SELE: variants seen among roughly 807,000 people sequenced by gnomAD.
The protein encoded by SELE is E-selectin.
Under a neutral mutation model 75.8 loss-of-function variants are expected in SELE, and 52 were observed. The ratio of observed to expected loss-of-function variants is 0.69; its 90% CI spans 0.55 to 0.86. The LOEUF (loss-of-function observed/expected upper bound fraction) is 0.86. Ranked by LOEUF, SELE falls within the 40% of genes least tolerant of loss-of-function variation. The pLI, the probability that SELE is intolerant of heterozygous loss-of-function variation, is 0.00. For synonymous variants in SELE, 285 were observed against 258.7 expected (o/e 1.10, Z -0.98); for missense variants, 754 against 732.7 (o/e 1.03, Z -0.34).
rs879834677 is a variant in SELE, at chr1:169,732,305, A to G, written c.421+310T>C. Among the ~76,000 whole-genome samples, 3 of 149,858 alleles carry G rather than the reference A, an allele frequency of 2.0e-5. No individual in the cohort carries two copies. The Admixed American group carries it at 2.0e-4, about 10-fold the overall frequency. The stretch of plus-strand genomic sequence containing the variant: ...ATTTATATATATTTTATATATATAC[A>G]TACACACATATATGTGTGTATATGT... On this transcript the variant is annotated intron_variant, in intron 3 of 13. Coordinates refer to ENST00000333360, the MANE Select transcript of SELE (RefSeq NM_000450.2).
At chr1:169,729,699 A>G (rs928416758) in intron 5 of SELE, 26 bp from the exon 6 acceptor site, 5 of 1,608,366 alleles carry the variant, frequency 3.1e-6, no homozygotes, top group Non-Finnish European at 4.3e-6. Context: ...AGCACCATGA[A>G]TTTTACAGAA....
At chr1:169,725,439 A>G (rs1291210533) in intron 13 of SELE, among the ~76,000 whole-genome samples, 1 of 152,082 alleles carries the variant, frequency 6.6e-6, no homozygotes. Flanking sequence ...ACCAGCCCCT[A>G]TCTCAGAGTT....
chr1:169,732,641 T>C lies in SELE; in HGVS notation c.395A>G (p.Lys132Arg). Residue 132 changes from lysine (K) to arginine (R), a missense_variant, in exon 3 of 14, where the codon AAG becomes AGG. Lys to Arg is a conservative substitution (Grantham distance 26). Transcript: ENST00000333360. ...TGTGTAGCATAGGGCAAGCTTCTTCTTGCTGCACCTCTCATCATTCCACAT... is the reference window on the plus strand; with the variant it reads ...TGTGTAGCATAGGGCAAGCTTCTTCCTGCTGCACCTCTCATCATTCCACAT... ...VGMWNDERCSKKKLALCYTAA... is the reference protein window; with the variant it reads ...VGMWNDERCSRKKLALCYTAA... The C allele has an allele frequency of 6.2e-7, 1 of 1,606,960 alleles. No homozygotes were observed.
At chr1:169,727,030 G>A (rs1648790122) in intron 10 of SELE, among the ~76,000 whole-genome samples, 1 of 152,124 alleles carries the variant, frequency 6.6e-6, no homozygotes, top group African/African-American at 2.4e-5. Context: ...AACTTGCCAA[G>A]CTCGTTCACA....
intron 5 of SELE, among the ~76,000 whole-genome samples, chr1:169,730,045 T>G (rs537257702): frequency 2.1e-4 from 32 of 152,252 alleles, no homozygotes; most frequent in Admixed American, 6.5e-4. Context: ...GGCCTCTGGT[T>G]CAGAAAGATA....
chr1:169,732,562 C>T (rs1648939435), intron 3 of SELE, 53 bp downstream of exon 3: 3 of 1,510,118 alleles, frequency 2.0e-6, no homozygotes, highest in Admixed American at 2.3e-5. Context: ...TGTAAATTTG[C>T]CAAGATGCCC....
intron 12 of SELE, 46 bp from the exon 13 acceptor site, chr1:169,725,847 T>C: frequency 3.1e-6 from 5 of 1,613,628 alleles, no homozygotes; most frequent in Non-Finnish European, 3.4e-6. Context: ...TCTTCCAACA[T>C]GAAGAGAGAA....
At position 169,727,813 on chromosome 1, in the gene SELE, A is replaced by T; in HGVS notation, c.1394T>A (p.Phe465Tyr). Residue 465 changes from phenylalanine to tyrosine, a missense_variant, in exon 9 of 14, where the codon TTT becomes TAT. Transcript: ENST00000333360. Reference sequence around the variant, plus strand: ...AAGTTGAGTTGATCCATGTAATTCAAATCCCTCCTCACAGCTGAAGGCACA... The same window carrying T: ...AAGTTGAGTTGATCCATGTAATTCATATCCCTCCTCACAGCTGAAGGCACA... ...SSCAFSCEEG[F>Y]ELHGSTQLEC... 2 of 1,614,174 alleles carry T rather than the reference A, an allele frequency of 1.2e-6. No individual in the cohort carries two copies. The highest frequency in any genetic ancestry group is 1.7e-6 in the Non-Finnish European group (2 of 1,180,016).
Position 169,723,062 on chromosome 1 carries a change from G to C in SELE, c.*1463C>G, listed in dbSNP as rs1009503555. ...ACATGCTAAGTTAATGGAAGTGTAG[G>C]AGAGTTTTGATTCTCACACTCCTCA... On this transcript the variant is annotated 3_prime_UTR_variant, in exon 14 of 14. Transcript: ENST00000333360. The C allele has an allele frequency of 6.6e-6, 1 of 152,142 alleles. No individual in the cohort carries two copies. Among genetic ancestry groups the C allele is most frequent in the African/African-American group, 2.4e-5 (1 of 41,418 alleles). 9.4% of individuals were successfully genotyped at this position (152,142 alleles called of 1,614,324 possible). A position where few individuals can be genotyped will look rare whatever the true frequency, so the allele number is the denominator to read the frequency against.
At chr1:169,728,882 T>C (rs1266368368) in intron 7 of SELE, among the ~76,000 whole-genome samples, 1 of 152,214 alleles carries the variant, frequency 6.6e-6, no homozygotes, top group Non-Finnish European at 1.5e-5. Flanking sequence ...TTCTCATTAT[T>C]CTGCTTTCCG....
At chr1:169,725,530 G>C (rs1648718375) in intron 13 of SELE, among the ~76,000 whole-genome samples, 199 bp downstream of exon 13, 1 of 152,080 alleles carries the variant, frequency 6.6e-6, no homozygotes, top group Admixed American at 6.6e-5. Flanking sequence ...TATCATAAAT[G>C]AAATTACACA....
rs920387455 is a variant in SELE, at chr1:169,729,813, A to G, written c.716-140T>C. The G allele has an allele frequency of 3.7e-5, 25 of 681,692 alleles. No homozygotes were observed. The Admixed American group carries it at 7.1e-4, about 19-fold the overall frequency. 42.2% of individuals were successfully genotyped at this position (681,692 alleles called of 1,614,324 possible). On this transcript the variant is annotated intron_variant, in intron 5 of 13. Coordinates refer to ENST00000333360, the MANE Select transcript of SELE (RefSeq NM_000450.2). ...CCTATGTCAATTCTTAGGGACATGC[A>G]CAGCCAGAATAAAAGCTTTTATTCT...
At position 169,724,056 on chromosome 1, in the gene SELE, C is replaced by T. The variant is rs959621675; in HGVS notation, c.*469G>A. On this transcript the variant is annotated 3_prime_UTR_variant, in exon 14 of 14. Coordinates refer to ENST00000333360, the MANE Select transcript of SELE (RefSeq NM_000450.2). Reference sequence around the variant, plus strand: ...TTTTTTAAGTTATAATATTTTTAGTCATTTTTTTCCTCTAAACTCTGGATA... The same window carrying T: ...TTTTTTAAGTTATAATATTTTTAGTTATTTTTTTCCTCTAAACTCTGGATA... 2.0e-5 allele frequency: 3 copies of T among 152,138 alleles called. No individual in the cohort carries two copies. Among genetic ancestry groups the T allele is most frequent in the Non-Finnish European group, 2.9e-5 (2 of 68,018 alleles). The allele number at this position is 152,138 out of a possible 1,614,324, so 9.4% of individuals were successfully genotyped here. A position where few individuals can be genotyped will look rare whatever the true frequency, so the allele number is the denominator to read the frequency against.
intron 5 of SELE, 80 bp from the exon 6 acceptor site, chr1:169,729,753 T>C: frequency 7.3e-7 from 1 of 1,368,618 alleles, no homozygotes; most frequent in Non-Finnish European, 1.0e-6. Context: ...CCTAACAGAG[T>C]GAGGAAGCTG....
At chr1:169,727,280 T>C in intron 10 of SELE, 69 bp downstream of exon 10, 3 of 1,508,276 alleles carry the variant, frequency 2.0e-6, no homozygotes, top group Non-Finnish European at 2.7e-6. Context: ...AATAGTTGAT[T>C]ACTGTAACAA....
intron 6 of SELE, 43 bp downstream of exon 6, chr1:169,729,445 A>G (rs753302149): frequency 1.3e-5 from 21 of 1,609,350 alleles, no homozygotes; most frequent in Non-Finnish European, 1.7e-5. Context: ...ATGGGTTGAG[A>G]GAAAGAATGT....
intron 2 of SELE, 48 bp from the exon 3 acceptor site, chr1:169,733,046 G>A: frequency 1.3e-6 from 2 of 1,488,236 alleles, no homozygotes; most frequent in Non-Finnish European, 1.8e-6. Flanking sequence ...TACTGTTGTG[G>A]TTTAACTCTG....
At chr1:169,731,592 C>T (rs1648913324) in intron 4 of SELE, 1 of 410,072 alleles carries the variant, frequency 2.4e-6, no homozygotes, top group African/African-American at 2.0e-5. Flanking sequence ...TTATTATCCT[C>T]ATTTTACAAT....
At position 169,733,056 on chromosome 1, in the gene SELE, G is replaced by T; in HGVS notation, c.38-58C>A. 3 of 1,461,748 alleles carry T rather than the reference G, an allele frequency of 2.1e-6. No homozygotes were observed. In the South Asian group the frequency reaches 4.4e-5, roughly 21 times the overall value. 90.5% of individuals were successfully genotyped at this position (1,461,748 alleles called of 1,614,324 possible). A position where few individuals can be genotyped will look rare whatever the true frequency, so the allele number is the denominator to read the frequency against. On this transcript the variant is annotated intron_variant, in intron 2 of 13. Transcript: ENST00000333360. ...TTTGGTACTGTTGTGGTTTAACTCT[G>T]ACAACTGTGCTTTTTATTGTCTTAT...
Sources: gnomAD v4.1 joint callset for allele counts (sites outside exome capture counted in the v4.1 genomes callset) on GRCh38, gnomAD v4.1.1 for gene constraint, MANE v1.5 for transcripts, NCBI Gene and HGNC (gene_info 2026-07-23, HGNC 2026-07-21) for gene names.